Variants in POU3F3 observed in about 807,000 individuals in gnomAD.
The protein encoded by POU3F3 is POU domain, class 3, transcription factor 3.
A neutral mutation model predicts 8.6 loss-of-function variants in POU3F3; 1 was observed. The observed-to-expected ratio is 0.12, with a 90% CI of 0.04 to 0.55. The LOEUF is 0.55. Ranked by LOEUF, POU3F3 falls within the 20% of genes least tolerant of loss-of-function variation. The probability of loss-of-function intolerance (pLI) is 0.91; values close to 1 mark genes in which losing one functional copy is unlikely to be tolerated. For synonymous variants in POU3F3, 418 were observed against 327.4 expected (o/e 1.28, Z -2.99); for missense variants, 577 against 690.7 (o/e 0.84, Z 1.84).
chr2:104,902,627 C>A, the POU3F3 span, among the ~76,000 whole-genome samples: 1 of 152,178 alleles, frequency 6.6e-6, no homozygotes, highest in Non-Finnish European at 1.5e-5. Flanking sequence ...AGTCAAATCC[C>A]CAGCAGTGAC....
chr2:104,860,551 A>C (rs118045856), downstream of POU3F3, among the ~76,000 whole-genome samples: 68 of 152,010 alleles, frequency 4.5e-4, 2 homozygotes, highest in East Asian at 0.013. Context: ...CTCCCCTTCC[A>C]ACCCAAAGGA....
chr2:104,901,061 G>A, the POU3F3 span, among the ~76,000 whole-genome samples: 1 of 152,154 alleles, frequency 6.6e-6, no homozygotes, highest in Non-Finnish European at 1.5e-5. Context: ...TGATTAAATT[G>A]CAAAATGATC....
At chr2:104,868,404 G>A in the POU3F3 span, 2 of 456,160 alleles carry the variant, frequency 4.4e-6, no homozygotes, top group Non-Finnish European at 8.8e-6. Context: ...TGGGAAAGGG[G>A]TAGGCGTGGA....
At chr2:104,883,066 C>A in the POU3F3 span, among the ~76,000 whole-genome samples, 1 of 152,206 alleles carries the variant, frequency 6.6e-6, no homozygotes, top group East Asian at 1.9e-4. Flanking sequence ...GGCAAACTCA[C>A]CTGGCAGGGA....
rs1212437418 is a variant in POU3F3 at position 104,855,590 on chromosome 2, C to A, written c.80C>A (p.Ala27Glu). The A allele has an allele frequency of 2.1e-6, 2 of 944,776 alleles. No homozygotes were observed. Among genetic ancestry groups the A allele is most frequent in the Non-Finnish European group, 1.2e-6 (1 of 818,368 alleles). 58.5% of individuals were successfully genotyped at this position (944,776 alleles called of 1,614,324 possible). ...AAGSIVHSDAAGAGGGGGGGG... is the reference protein window; with the variant it reads ...AAGSIVHSDAEGAGGGGGGGG... ...GGCTCTATTGTGCACTCGGACGCGG[C>A]AGGGGCTGGCGGCGGCGGGGGTGGC... is the stretch of plus-strand genomic sequence containing the variant. The change falls in exon 1 of 1, where the codon GCA becomes GAA. Residue 27 changes from alanine to glutamate, a missense_variant. By Grantham distance (107) the Ala-to-Glu change is moderately radical. Transcript: ENST00000361360.
downstream of POU3F3, among the ~76,000 whole-genome samples, chr2:104,860,406 C>A (rs1366280976): frequency 1.3e-5 from 2 of 152,134 alleles, no homozygotes; most frequent in African/African-American, 2.4e-5. Context: ...TATTGTTACA[C>A]ATGTAAATAA....
At chr2:104,887,818 T>G in the POU3F3 span, among the ~76,000 whole-genome samples, 1 of 152,192 alleles carries the variant, frequency 6.6e-6, no homozygotes, top group Non-Finnish European at 1.5e-5. Context: ...GTCCATGAAC[T>G]TACAGCAACC....
At chr2:104,911,414 CAAAAAAAAAAAA>C in the POU3F3 span, among the ~76,000 whole-genome samples, 81 of 60,966 alleles carry the variant, frequency 1.3e-3, no homozygotes, top group Middle Eastern at 8.6e-3. Flanking sequence ...GACTCCGTCT[CAAAAAAAAAAAA>C]AAAAAAAAGT....
At chr2:104,862,425 G>A (rs1400479992), downstream of POU3F3, among the ~76,000 whole-genome samples, 2 of 152,218 alleles carry the variant, frequency 1.3e-5, no homozygotes, top group Non-Finnish European at 2.9e-5. Flanking sequence ...CGAAGCCCTA[G>A]GGGTACAGGC....
At chr2:104,853,406 A>G (rs6723328), upstream of POU3F3, 102,200 of 152,194 alleles carry the variant, frequency 0.67, 34,733 homozygotes, top group East Asian at 0.9. Flanking sequence ...CCGGCGCGCA[A>G]CGGCTGCGGA....
At chr2:104,918,920 G>C in the POU3F3 span, among the ~76,000 whole-genome samples, 3 of 149,342 alleles carry the variant, frequency 2.0e-5, no homozygotes, top group African/African-American at 7.5e-5. Flanking sequence ...AGCCCAGGCT[G>C]GAGTGCAATG....
chr2:104,865,221 A>G, the POU3F3 span, among the ~76,000 whole-genome samples: 27 of 152,284 alleles, frequency 1.8e-4, no homozygotes, highest in Middle Eastern at 3.4e-3. Flanking sequence ...TCCTTTCCCT[A>G]TAAGTTGATA....
At chr2:104,886,509 T>TTA in the POU3F3 span, among the ~76,000 whole-genome samples, 2 of 152,106 alleles carry the variant, frequency 1.3e-5, no homozygotes, top group South Asian at 2.1e-4. Context: ...ATCACATAAC[T>TTA]GTTACAGGAA....
At chr2:104,890,530 G>T in the POU3F3 span, among the ~76,000 whole-genome samples, 2 of 152,064 alleles carry the variant, frequency 1.3e-5, no homozygotes, top group Admixed American at 1.3e-4. Flanking sequence ...ATAAGAGAGG[G>T]GAAGTGGCAT....
chr2:104,918,838 G>A, the POU3F3 span, among the ~76,000 whole-genome samples: 2 of 151,374 alleles, frequency 1.3e-5, no homozygotes, highest in African/African-American at 4.9e-5. Context: ...TCTGCAAAGA[G>A]AAAGATGAAA....
the POU3F3 span, among the ~76,000 whole-genome samples, chr2:104,911,254 C>CA: frequency 0.015 from 2,183 of 140,882 alleles, 51 homozygotes; most frequent in African/African-American, 0.051. Flanking sequence ...CTAAAAAGTA[C>CA]AAAAAAAAAA....
At position 104,854,167 on chromosome 2, in the gene POU3F3, G is replaced by C. The variant is rs1296311406; in HGVS notation, c.-1344G>C. Among the ~76,000 whole-genome samples the C allele has an allele frequency of 2.0e-5, 3 of 152,132 alleles. No individual in the cohort carries two copies. The highest frequency in any genetic ancestry group is 4.4e-5 in the Non-Finnish European group (3 of 68,024). Reference sequence around the variant, plus strand: ...GGGACAGAGAGCGAACTGTCAGATCGGAGCGAGAGCGGGCGCCCGAGAGAG... The same window carrying C: ...GGGACAGAGAGCGAACTGTCAGATCCGAGCGAGAGCGGGCGCCCGAGAGAG... On this transcript the variant is annotated 5_prime_UTR_variant, in exon 1 of 1. Transcript: ENST00000361360. The surrounding 1 kb of genome is among the most constrained non-coding windows in gnomAD (Gnocchi z 4.5).
At chr2:104,880,819 G>A in the POU3F3 span, among the ~76,000 whole-genome samples, 1 of 152,078 alleles carries the variant, frequency 6.6e-6, no homozygotes, top group Non-Finnish European at 1.5e-5. Flanking sequence ...CTTGGGACAG[G>A]TTTTCTTTAT....
At chr2:104,891,944 A>G in the POU3F3 span, among the ~76,000 whole-genome samples, 3 of 152,198 alleles carry the variant, frequency 2.0e-5, no homozygotes, top group African/African-American at 7.2e-5. Flanking sequence ...CCTAAAGCGC[A>G]TTATGCTTAT....
Sources: gnomAD v4.1 joint callset for allele counts (sites outside exome capture counted in the v4.1 genomes callset) on GRCh38, gnomAD v4.1.1 for gene constraint, Gnocchi (gnomAD v3.1) non-coding constraint, MANE v1.5 for transcripts, NCBI Gene and HGNC (gene_info 2026-07-23, HGNC 2026-07-21) for gene names.